Variants in EXOC2 observed in about 807,000 individuals in gnomAD.
EXOC2 encodes the protein exocyst complex component 2.
In EXOC2, 70 loss-of-function variants were observed where a neutral mutation model predicts 131.8. The observed-to-expected ratio is 0.53, with a 90% CI of 0.44 to 0.65. EXOC2 has a LOEUF of 0.65. EXOC2 is among the 30% of genes least tolerant of loss of function. The pLI is 0.00. For missense variants in EXOC2, 923 were observed against 1,108.6 expected, an observed-to-expected ratio of 0.83 and a Z score of 2.38; for synonymous variants, 411 against 398.4, an observed-to-expected ratio of 1.03 and a Z score of -0.38.
At chr6:528,330 T>C (rs1471375163) in intron 23 of EXOC2, among the ~76,000 whole-genome samples, 1 of 152,204 alleles carries the variant, frequency 6.6e-6, no homozygotes, top group Non-Finnish European at 1.5e-5. Flanking sequence ...AAGTAAACTC[T>C]GAAGATAATA....
At chr6:670,840 G>C (rs1452776411) in intron 1 of EXOC2, among the ~76,000 whole-genome samples, 1 of 152,110 alleles carries the variant, frequency 6.6e-6, no homozygotes, top group Admixed American at 6.5e-5. Context: ...GTTTTGCCAA[G>C]TCTCTGGAAT....
chr6:652,067 A>G (rs1399302108), intron 1 of EXOC2, among the ~76,000 whole-genome samples: 1 of 152,052 alleles, frequency 6.6e-6, no homozygotes, highest in African/African-American at 2.4e-5. Context: ...AAAAAAAAAA[A>G]AAAACTTCAC....
In EXOC2 at chr6:687,171, CTTTTTTT is replaced by C. The variant is rs762736216; in HGVS notation, c.-44+5841_-44+5847del. On this transcript the variant is annotated intron_variant, in intron 1 of 27. Transcript: ENST00000230449. ...GAAGAAGTCATTATCAAATAATATT[CTTTTTTT>C]TTTTTTTTTTTTTTTTGAGACAGGG... is the stretch of plus-strand genomic sequence containing the variant. Among the ~76,000 whole-genome samples, 20 of 78,366 alleles carry C rather than the reference CTTTTTTT, an allele frequency of 2.6e-4. 1 individual carries two copies. The highest frequency in any genetic ancestry group is 8.2e-4 in the African/African-American group (16 of 19,464). The allele number at this position is 78,366 out of a possible 152,430, so 51.4% of individuals were successfully genotyped here. A position where few individuals can be genotyped will look rare whatever the true frequency, so the allele number is the denominator to read the frequency against.
In EXOC2 at chr6:537,361, C is replaced by G. The variant is rs563619769; in HGVS notation, c.2239-4751G>C. The stretch of plus-strand genomic sequence containing the variant: ...ACACTCGAGTTGACGGCCGACGGAG[C>G]GCACACTCGAGTTGATGGCCGACGG... On this transcript the variant is annotated intron_variant, in intron 22 of 27. Coordinates refer to ENST00000230449, the MANE Select transcript of EXOC2 (RefSeq NM_018303.6). Among the ~76,000 whole-genome samples, 6 of 147,092 alleles carry G rather than the reference C, an allele frequency of 4.1e-5. No individual in the cohort carries two copies. In the East Asian group the frequency reaches 1.2e-3, roughly 30 times the overall value.
At chr6:532,373 TATGAGAAAA>T in intron 23 of EXOC2, 87 bp downstream of exon 23, 1 of 1,232,370 alleles carries the variant, frequency 8.1e-7, no homozygotes, top group Non-Finnish European at 1.1e-6. Flanking sequence ...TCTCAGTAGA[TATGAGAAAA>T]ATGAGAATAA....
intron 23 of EXOC2, among the ~76,000 whole-genome samples, chr6:504,166 C>T (rs933027645): frequency 6.6e-6 from 1 of 152,210 alleles, no homozygotes; most frequent in Non-Finnish European, 1.5e-5. Context: ...TAAAGGCATG[C>T]ACATGCGAAC....
At chr6:496,560 A>G (rs1450608378) in intron 25 of EXOC2, among the ~76,000 whole-genome samples, 1 of 152,130 alleles carries the variant, frequency 6.6e-6, no homozygotes, top group Non-Finnish European at 1.5e-5. Context: ...TTTTCAAGCC[A>G]GAAAGCACGT....
chr6:617,634 C>T (rs1033413321), intron 6 of EXOC2, 77 bp downstream of exon 6: 3 of 1,527,342 alleles, frequency 2.0e-6, no homozygotes, highest in Non-Finnish European at 2.6e-6. Context: ...GAGTGTCACA[C>T]CCTGTAAACA....
At chr6:680,937 G>A (rs79482848) in intron 1 of EXOC2, among the ~76,000 whole-genome samples, 6,843 of 152,114 alleles carry the variant, frequency 0.045, 263 homozygotes, top group African/African-American at 0.1. Context: ...GGGGATGCAC[G>A]GGCTCTTCTT....
chr6:631,158 A>T (rs964035469), intron 3 of EXOC2, among the ~76,000 whole-genome samples: 1 of 152,214 alleles, frequency 6.6e-6, no homozygotes, highest in Non-Finnish European at 1.5e-5. Context: ...GCCCTCTATG[A>T]ACCCACTCAT....
chr6:572,074 C>T (rs1296616924), intron 13 of EXOC2, among the ~76,000 whole-genome samples: 1 of 152,230 alleles, frequency 6.6e-6, no homozygotes, highest in African/African-American at 2.4e-5. Flanking sequence ...AGAATGTTTA[C>T]ATCCTTTCCA....
At chr6:534,979 A>G (rs114902906) in intron 22 of EXOC2, among the ~76,000 whole-genome samples, 1,660 of 152,382 alleles carry the variant, frequency 0.011, 14 homozygotes, top group Non-Finnish European at 0.015. Context: ...AATCTGCAAG[A>G]GAGAACCAGT....
At chr6:670,481 T>A (rs759673530) in intron 1 of EXOC2, among the ~76,000 whole-genome samples, 1 of 151,970 alleles carries the variant, frequency 6.6e-6, no homozygotes. Context: ...AACTCTTTAC[T>A]TTTTTTAATT....
chr6:684,911 T>C (rs776626585), intron 1 of EXOC2, among the ~76,000 whole-genome samples: 3 of 152,162 alleles, frequency 2.0e-5, no homozygotes, highest in Non-Finnish European at 4.4e-5. Context: ...ACAAGAAATC[T>C]GAACAAAATG....
At chr6:643,286 G>T (rs1762435172) in intron 1 of EXOC2, among the ~76,000 whole-genome samples, 1 of 152,096 alleles carries the variant, frequency 6.6e-6, no homozygotes, top group Non-Finnish European at 1.5e-5. Flanking sequence ...TCCTTTTCAG[G>T]TGCTCATGGA....
intron 25 of EXOC2, among the ~76,000 whole-genome samples, chr6:495,862 A>G (rs971360212): frequency 2.0e-5 from 3 of 152,030 alleles, no homozygotes; most frequent in East Asian, 1.9e-4. Context: ...GGATATTGAG[A>G]CATTGTCCCA....
intron 23 of EXOC2, among the ~76,000 whole-genome samples, chr6:513,231 C>A (rs954570356): frequency 6.6e-6 from 1 of 152,244 alleles, no homozygotes; most frequent in East Asian, 1.9e-4. Context: ...AGCCAGACCA[C>A]GTGCCGTACC....
At chr6:579,346 C>T (rs756567118) in intron 11 of EXOC2, among the ~76,000 whole-genome samples, 1 of 151,842 alleles carries the variant, frequency 6.6e-6, no homozygotes, top group Non-Finnish European at 1.5e-5. Context: ...TGCTTTTGTT[C>T]TATTAGAAAC....
At chr6:658,999 A>T (rs1362672008) in intron 1 of EXOC2, among the ~76,000 whole-genome samples, 1 of 152,134 alleles carries the variant, frequency 6.6e-6, no homozygotes, top group Non-Finnish European at 1.5e-5. Flanking sequence ...CCTCCCACTT[A>T]TTCAAACCAT....
Sources: allele counts gnomAD v4.1 joint callset (sites outside exome capture counted in the v4.1 genomes callset), GRCh38; gene constraint gnomAD v4.1.1; transcripts MANE v1.5; gene names NCBI Gene and HGNC (gene_info 2026-07-23, HGNC 2026-07-21).